Variants in DOCK5 observed in about 807,000 individuals in gnomAD.
The protein encoded by DOCK5 is dedicator of cytokinesis 5.
In DOCK5, 142 loss-of-function variants were observed where a neutral mutation model predicts 251.8. That is an observed-to-expected ratio of 0.56 (90% confidence interval 0.49 to 0.65). The LOEUF is 0.65. Among genes scored for constraint, DOCK5 ranks in the 30% least tolerant of loss-of-function variants. DOCK5 has a pLI of 0.00. For synonymous variants in DOCK5, 842 were observed against 835.5 expected, an observed-to-expected ratio of 1.01 and a Z score of -0.13; for missense variants, 2,111 against 2,312.3, an observed-to-expected ratio of 0.91 and a Z score of 1.79.
Position 25,380,390 on chromosome 8 carries a change from T to C in DOCK5, c.4022T>C (p.Leu1341Pro). The change falls in exon 39 of 52, where the codon CTC becomes CCC. Residue 1341 changes from leucine to proline, a missense_variant. Physicochemically the swap from Leu to Pro is moderately conservative, Grantham distance 98. Around this residue, in one of 3 missense-constraint regions of DOCK5, gnomAD observed 1,717 missense variants for 1,892.4 expected, o/e 0.91. Coordinates refer to ENST00000276440, the MANE Select transcript of DOCK5 (RefSeq NM_024940.8). ...TTTGACTACGAGGGCCTTGGCAACC[T>C]CCTGGTGAGTCTGGGTCAAAATATG... ...KVFDYEGLGN[L>P]LKKRASFYEN... The C allele has an allele frequency of 6.2e-7, 1 of 1,606,824 alleles. No homozygotes were observed. Among genetic ancestry groups the C allele is most frequent in the Non-Finnish European group, 8.5e-7 (1 of 1,176,332 alleles).
chr8:25,326,472 A>G (rs1586331558), intron 18 of DOCK5, among the ~76,000 whole-genome samples: 1 of 152,230 alleles, frequency 6.6e-6, no homozygotes, highest in Non-Finnish European at 1.5e-5. Context: ...ACAAGTGGCT[A>G]GACTCCACAG....
intron 18 of DOCK5, among the ~76,000 whole-genome samples, chr8:25,330,475 C>T (rs1805657729): frequency 6.6e-6 from 1 of 152,140 alleles, no homozygotes; most frequent in Non-Finnish European, 1.5e-5. Flanking sequence ...GAAGAATATA[C>T]ACAAAGACAC....
chr8:25,261,443 A>G (rs542111958), intron 2 of DOCK5, among the ~76,000 whole-genome samples: 1 of 152,312 alleles, frequency 6.6e-6, no homozygotes, highest in South Asian at 2.1e-4. Flanking sequence ...AAAGTAATGG[A>G]GAAATAGTTC....
chr8:25,299,070 C>G lies in DOCK5; in HGVS notation c.733C>G (p.Leu245Val), dbSNP rs1213023440. 6.2e-7 allele frequency: 1 copy of G among 1,613,802 alleles called. No homozygotes were observed. Among genetic ancestry groups the G allele is most frequent in the Admixed American group, 1.7e-5 (1 of 59,992 alleles). Residue 245 changes from leucine (L) to valine (V), a missense_variant, in exon 8 of 52, where the codon CTC becomes GTC. Around this residue, in one of 3 missense-constraint regions of DOCK5, gnomAD observed 335 missense variants for 324.9 expected, o/e 1.03. Coordinates refer to ENST00000276440, the MANE Select transcript of DOCK5 (RefSeq NM_024940.8). ...IGEDAELFMA[L>V]YDPDQSTFIS... ...GGAAGATGCAGAGTTGTTTATGGCC[C>G]TCTACGACCCAGACCAGTCCACTTT... is the stretch of plus-strand genomic sequence containing the variant.
At chr8:25,247,942 C>T (rs1803161089) in intron 2 of DOCK5, among the ~76,000 whole-genome samples, 1 of 151,860 alleles carries the variant, frequency 6.6e-6, no homozygotes, top group African/African-American at 2.4e-5. Context: ...TTCTTAACTG[C>T]TACCATAACA....
intron 48 of DOCK5, among the ~76,000 whole-genome samples, chr8:25,405,267 A>T (rs1259556007): frequency 8.6e-5 from 13 of 150,612 alleles, no homozygotes; most frequent in Admixed American, 4.0e-4. Flanking sequence ...CAAAAAAGGT[A>T]CTTTTTTTTT....
intron 14 of DOCK5, among the ~76,000 whole-genome samples, chr8:25,318,228 C>T (rs1055803347): frequency 1.3e-5 from 2 of 148,280 alleles, no homozygotes; most frequent in African/African-American, 5.0e-5. Flanking sequence ...GCTGAGATTA[C>T]AGGTGCTCGC....
intron 18 of DOCK5, among the ~76,000 whole-genome samples, chr8:25,331,230 GACACACACACAC>G (rs60869427): frequency 3.2e-4 from 45 of 140,364 alleles, no homozygotes; most frequent in East Asian, 1.5e-3. Flanking sequence ...GTTTCTCTGT[GACACACACACAC>G]ACACACACAC....
At chr8:25,227,703 A>C (rs1056015226) in intron 1 of DOCK5, among the ~76,000 whole-genome samples, 2 of 152,180 alleles carry the variant, frequency 1.3e-5, no homozygotes, top group Non-Finnish European at 2.9e-5. Context: ...TAAATCTACC[A>C]CATATAATCT....
intron 2 of DOCK5, among the ~76,000 whole-genome samples, chr8:25,251,407 CAAA>C: frequency 6.6e-6 from 1 of 152,052 alleles, no homozygotes; most frequent in African/African-American, 2.4e-5. Flanking sequence ...TTAAAAGAAA[CAAA>C]AAGAAGGGTT....
intron 5 of DOCK5, among the ~76,000 whole-genome samples, chr8:25,287,391 A>ACC (rs914404556): frequency 2.8e-4 from 43 of 152,118 alleles, no homozygotes; most frequent in African/African-American, 1.0e-3. Flanking sequence ...GCACTACTGC[A>ACC]CTCCAGCTTG....
intron 45 of DOCK5, among the ~76,000 whole-genome samples, chr8:25,396,694 G>A (rs1801351026): frequency 6.6e-6 from 1 of 152,096 alleles, no homozygotes; most frequent in Non-Finnish European, 1.5e-5. Context: ...GCCGCCTGGA[G>A]AGTGGGTAGA....
At chr8:25,205,024 C>CTT (rs35682795) in intron 1 of DOCK5, among the ~76,000 whole-genome samples, 5 of 150,838 alleles carry the variant, frequency 3.3e-5, no homozygotes, top group Admixed American at 1.4e-4. Flanking sequence ...GGGATTAGTG[C>CTT]TTTTTTTAAA....
chr8:25,274,416 C>G (rs777597954), intron 3 of DOCK5, among the ~76,000 whole-genome samples: 1 of 152,206 alleles, frequency 6.6e-6, no homozygotes, highest in Non-Finnish European at 1.5e-5. Flanking sequence ...GACATCTCCT[C>G]TGTGTGTGAG....
intron 30 of DOCK5, among the ~76,000 whole-genome samples, chr8:25,365,591 T>C (rs970961391): frequency 5.3e-5 from 8 of 152,298 alleles, no homozygotes; most frequent in African/African-American, 1.9e-4. Flanking sequence ...AGTTTTCCCA[T>C]TGGTTACTTG....
At chr8:25,273,236 T>G (rs1041415489) in intron 3 of DOCK5, among the ~76,000 whole-genome samples, 3 of 152,120 alleles carry the variant, frequency 2.0e-5, no homozygotes, top group African/African-American at 7.2e-5. Context: ...GCTATATTCA[T>G]CAGATGTTTA....
At position 25,332,243 on chromosome 8, in the gene DOCK5, C is replaced by T; in HGVS notation, c.1904-8C>T. The T allele has an allele frequency of 6.2e-7, 1 of 1,610,768 alleles. No homozygotes were observed. Among genetic ancestry groups the T allele is most frequent in the Non-Finnish European group, 8.5e-7 (1 of 1,177,242 alleles). ...CCTGTATCTAATGTTTGTGGTTGTT[C>T]TTCCTAGTTGACCTGTTAGGCTTGT... On this transcript the variant is annotated splice_polypyrimidine_tract_variant and splice_region_variant and intron_variant, in intron 18 of 51. Transcript: ENST00000276440.
chr8:25,337,551 G>T (rs1005977348), intron 22 of DOCK5, among the ~76,000 whole-genome samples: 11 of 150,546 alleles, frequency 7.3e-5, no homozygotes, highest in African/African-American at 2.4e-4. Context: ...CAAATGTAGG[G>T]TATGTTAATG....
At chr8:25,217,744 A>G (rs1226817927) in intron 1 of DOCK5, among the ~76,000 whole-genome samples, 2 of 152,236 alleles carry the variant, frequency 1.3e-5, no homozygotes, top group African/African-American at 2.4e-5. Flanking sequence ...GAGAGGGTGC[A>G]GTATGCATGA....
Sources: gnomAD v4.1 joint callset for allele counts (sites outside exome capture counted in the v4.1 genomes callset) on GRCh38, gnomAD v4.1.1 for gene constraint, gnomAD v4.1.1 regional missense constraint, MANE v1.5 for transcripts, NCBI Gene and HGNC (gene_info 2026-07-23, HGNC 2026-07-21) for gene names.